ABCG8: variants seen among roughly 807,000 people sequenced by gnomAD.
ABCG8 encodes the protein ATP binding cassette subfamily G member 8.
In ABCG8, 81 loss-of-function variants were observed where a neutral mutation model predicts 71.3. The ratio of observed to expected loss-of-function variants is 1.14; its 90% CI spans 0.95 to 1.37. The LOEUF is 1.37. Ranked by LOEUF, ABCG8 falls within the 40% of genes most tolerant of loss-of-function variation. The pLI is 0.00. For missense variants in ABCG8, 1,119 were observed against 866.2 expected, an observed-to-expected ratio of 1.29 and a Z score of -3.66; for synonymous variants, 451 against 354.7, an observed-to-expected ratio of 1.27 and a Z score of -3.05.
intron 3 of ABCG8, chr2:43,847,580 G>C: frequency 6.6e-6 from 1 of 152,002 alleles, no homozygotes; most frequent in South Asian, 2.1e-4. Flanking sequence ...CGTGGTGGGT[G>C]CCTGTAGTCC....
intron 6 of ABCG8, among the ~76,000 whole-genome samples, chr2:43,871,614 A>G (rs1669777066): frequency 1.3e-5 from 2 of 152,274 alleles, no homozygotes; most frequent in East Asian, 3.9e-4. Flanking sequence ...AGTTGGAGCC[A>G]GAGCATGACT....
chr2:43,870,427 G>A (rs1669723036), intron 6 of ABCG8, among the ~76,000 whole-genome samples: 2 of 151,796 alleles, frequency 1.3e-5, no homozygotes, highest in African/African-American at 4.8e-5. Flanking sequence ...CTATCTATCT[G>A]GATAGAATTT....
Position 43,875,184 on chromosome 2 carries a change from C to T in ABCG8, c.1527C>T (p.Ile509=). 6.2e-7 allele frequency: 1 copy of T among 1,614,232 alleles called. No homozygotes were observed. Among genetic ancestry groups the T allele is most frequent in the Non-Finnish European group, 8.5e-7 (1 of 1,180,040 alleles). Residue 509 remains isoleucine, a synonymous_variant, in exon 11 of 13, where the codon ATC becomes ATT. Coordinates refer to ENST00000272286, the MANE Select transcript of ABCG8 (RefSeq NM_022437.3). The stretch of plus-strand genomic sequence containing the variant: ...TTCCGGAGCACTGTGCCTACATCAT[C>T]ATCTACGGGATGCCCACCTACTGGC... ...GELPEHCAYI[I]IYGMPTYWLA...
At chr2:43,856,732 C>T (rs754586121) in intron 6 of ABCG8, among the ~76,000 whole-genome samples, 4 of 150,996 alleles carry the variant, frequency 2.6e-5, no homozygotes, top group African/African-American at 4.9e-5. Context: ...GAATTCTCAC[C>T]ATCTGGAAGA....
chr2:43,865,110 C>A (rs1439443301), intron 6 of ABCG8, among the ~76,000 whole-genome samples: 1 of 150,428 alleles, frequency 6.6e-6, no homozygotes, highest in Admixed American at 6.6e-5. Flanking sequence ...ATAGAACGCT[C>A]ACTGTCTGGA....
intron 6 of ABCG8, among the ~76,000 whole-genome samples, chr2:43,855,625 TCTCA>T (rs1228418033): frequency 1.3e-5 from 2 of 152,116 alleles, no homozygotes; most frequent in Admixed American, 1.3e-4. Context: ...TGGATAGAAA[TCTCA>T]CTATCTGTCT....
rs752842471 is a variant in ABCG8, at chr2:43,851,837, C to G, written c.561+15C>G. The G allele has an allele frequency of 5.6e-6, 9 of 1,613,144 alleles. No homozygotes were observed. The highest frequency in any genetic ancestry group is 6.8e-6 in the Non-Finnish European group (8 of 1,179,598). On this transcript the variant is annotated intron_variant, in intron 4 of 12. Transcript: ENST00000272286. ...GTGACAAAAGGGTAACTAACTGGCC[C>G]CAGTGGTGACCCCCAGGTCCAAGAA... is the stretch of plus-strand genomic sequence containing the variant.
intron 6 of ABCG8, among the ~76,000 whole-genome samples, chr2:43,865,214 C>A (rs1558836509): frequency 1.3e-5 from 2 of 151,646 alleles, no homozygotes; most frequent in African/African-American, 4.8e-5. Context: ...ATAGAATTCT[C>A]ACCATCTGCA....
intron 3 of ABCG8, among the ~76,000 whole-genome samples, chr2:43,850,425 G>C (rs940432109): frequency 6.6e-6 from 1 of 152,102 alleles, no homozygotes; most frequent in African/African-American, 2.4e-5. Flanking sequence ...TTCAGAAGAG[G>C]GTGCTGTTAA....
chr2:43,853,376 C>A (rs769274840), intron 6 of ABCG8, among the ~76,000 whole-genome samples: 5 of 152,172 alleles, frequency 3.3e-5, no homozygotes, highest in African/African-American at 9.7e-5. Context: ...GGGTCCTGAA[C>A]ACTCAGCATA....
chr2:43,878,000 G>C lies in ABCG8; in HGVS notation c.*87G>C. The C allele has an allele frequency of 6.3e-7, 1 of 1,590,210 alleles. No homozygotes were observed. Among genetic ancestry groups the C allele is most frequent in the Non-Finnish European group, 8.6e-7 (1 of 1,163,658 alleles). On this transcript the variant is annotated 3_prime_UTR_variant, in exon 13 of 13. Transcript: ENST00000272286. The stretch of plus-strand genomic sequence containing the variant: ...CCTCAGGAGCCCCTTCCTGGGGACA[G>C]TGAGGACAATGACCCTACAGATGCT...
chr2:43,846,391 A>G, intron 3 of ABCG8, 80 bp downstream of exon 3: 2 of 1,593,598 alleles, frequency 1.3e-6, no homozygotes, highest in Non-Finnish European at 1.7e-6. Context: ...GATGCTTCTT[A>G]TGGAGCTCTT....
intron 11 of ABCG8, among the ~76,000 whole-genome samples, chr2:43,876,107 T>C (rs1294683112): frequency 1.4e-4 from 21 of 152,118 alleles, no homozygotes; most frequent in Admixed American, 1.4e-3. Context: ...TTGTCTCTGG[T>C]GTGGGGCCGC....
intron 1 of ABCG8, among the ~76,000 whole-genome samples, chr2:43,842,535 G>A (rs952305781): frequency 2.0e-5 from 3 of 151,920 alleles, no homozygotes; most frequent in Non-Finnish European, 2.9e-5. Context: ...TGGGGGCTTT[G>A]GCAACTGGGG....
At position 43,877,595 on chromosome 2, in the gene ABCG8, G is replaced by C. The variant is rs770027814; in HGVS notation, c.1791G>C (p.Arg597=). The C allele has an allele frequency of 6.2e-7, 1 of 1,614,154 alleles. No individual in the cohort carries two copies. The highest frequency in any genetic ancestry group is 1.1e-5 in the South Asian group (1 of 91,086). The change falls in exon 12 of 13, where the codon CGG becomes CGC. Residue 597 remains arginine (R), a synonymous_variant. Transcript: ENST00000272286. ...GGATTTCCAAAGTGTCCTTCCTGCG[G>C]TGGTGTTTTGAAGGGCTGATGAAGA... ...PAWISKVSFL[R]WCFEGLMKIQ... is the part of the protein sequence containing the mutation.
chr2:43,875,801 C>T (rs1219156498), intron 11 of ABCG8, among the ~76,000 whole-genome samples: 1 of 152,176 alleles, frequency 6.6e-6, no homozygotes, highest in Non-Finnish European at 1.5e-5. Flanking sequence ...CCCTCCACAT[C>T]CCTCTCGACT....
chr2:43,839,386 C>G (rs373587295), intron 1 of ABCG8, among the ~76,000 whole-genome samples: 1 of 83,650 alleles, frequency 1.2e-5, no homozygotes, highest in African/African-American at 4.0e-5. Context: ...TTCACTTTTT[C>G]TTTTTTCTTT....
chr2:43,844,136 G>C (rs961196034), intron 1 of ABCG8, among the ~76,000 whole-genome samples: 12 of 152,162 alleles, frequency 7.9e-5, no homozygotes, highest in African/African-American at 2.7e-4. Context: ...CAAAGAGTTT[G>C]CCCACTCCAG....
chr2:43,870,945 A>G (rs2104943711), intron 6 of ABCG8, among the ~76,000 whole-genome samples: 1 of 144,342 alleles, frequency 6.9e-6, no homozygotes, highest in Middle Eastern at 3.8e-3. Flanking sequence ...ACTCGATAGA[A>G]CTTTCACCAT....
Sources: gnomAD v4.1 joint callset for allele counts (sites outside exome capture counted in the v4.1 genomes callset) on GRCh38, gnomAD v4.1.1 for gene constraint, MANE v1.5 for transcripts, NCBI Gene and HGNC (gene_info 2026-07-23, HGNC 2026-07-21) for gene names.